The following STK17A variants were observed in gnomAD, a reference collection of about 807,000 sequenced individuals.
STK17A encodes serine/threonine-protein kinase 17A.
In STK17A, 26 loss-of-function variants were observed where a neutral mutation model predicts 43.7. That is an observed-to-expected ratio of 0.60 (90% CI 0.44 to 0.83). STK17A has a LOEUF of 0.83. Ranked by LOEUF, STK17A falls within the 40% of genes least tolerant of loss-of-function variation. The pLI is 0.00. For synonymous variants in STK17A, 191 were observed against 182.5 expected (o/e 1.05, Z -0.38); for missense variants, 476 against 511.6 (o/e 0.93, Z 0.67).
chr7:43,626,470 T>TTG lies in STK17A; in HGVS notation c.*1629_*1630insGT. 1 of 152,212 alleles carries TTG rather than the reference T, an allele frequency of 6.6e-6. No individual in the cohort carries two copies. Among genetic ancestry groups the TTG allele is most frequent in the East Asian group, 1.9e-4 (1 of 5,200 alleles). The allele number at this position is 152,212 out of a possible 1,614,324, so 9.4% of individuals were successfully genotyped here. A position where few individuals can be genotyped will look rare whatever the true frequency, so the allele number is the denominator to read the frequency against. ...TGTTTTCTCACTAAATTGGCTTTATTTATACAGTTTCCTGGAACCTAGCAT... is the reference window on the plus strand; with the variant it reads ...TGTTTTCTCACTAAATTGGCTTTATTTGTATACAGTTTCCTGGAACCTAGCAT... On this transcript the variant is annotated 3_prime_UTR_variant, in exon 7 of 7. Transcript: ENST00000319357.
chr7:43,605,798 T>A (rs1334184509), intron 2 of STK17A, among the ~76,000 whole-genome samples: 1 of 152,128 alleles, frequency 6.6e-6, no homozygotes, highest in Non-Finnish European at 1.5e-5. Flanking sequence ...TTGGTTCATA[T>A]GCTTTAATTT....
Position 43,608,397 on chromosome 7 carries a change from GA to G in STK17A, c.563del (p.Lys188SerfsTer7), listed in dbSNP as rs750678331. ...HTRDVVHLDL[K>X]PQNILLTSES... ...CTCGTGATGTAGTTCATCTTGATTT[GA>G]AGGTAAGATTCAAATTACAATTTTG... On this transcript the variant is annotated frameshift_variant and splice_region_variant, in exon 3 of 7. Coordinates refer to ENST00000319357, the MANE Select transcript of STK17A (RefSeq NM_004760.3). LOFTEE classifies it high-confidence loss of function. 6.3e-7 allele frequency: 1 copy of G among 1,598,918 alleles called. No individual in the cohort carries two copies. The highest frequency in any genetic ancestry group is 8.5e-7 in the Non-Finnish European group (1 of 1,174,876).
intron 1 of STK17A, 115 bp from the exon 2 acceptor site, chr7:43,595,786 A>T: frequency 1.2e-6 from 1 of 864,418 alleles, no homozygotes; most frequent in Non-Finnish European, 1.8e-6. Context: ...TACTTTTGTG[A>T]TTGTATATAA....
chr7:43,591,146 G>A (rs1171979601), intron 1 of STK17A, among the ~76,000 whole-genome samples: 2 of 151,532 alleles, frequency 1.3e-5, no homozygotes, highest in Non-Finnish European at 3.0e-5. Flanking sequence ...TCAGTGGTAT[G>A]TGGTATTAGA....
chr7:43,624,790 T>C lies in STK17A; in HGVS notation c.1193T>C (p.Phe398Ser). The part of the protein sequence containing the change: ...KMEQKAISKR[F>S]KFEEPLLQEI... The stretch of plus-strand genomic sequence containing the variant: ...GAGCAAAAGGCCATTTCCAAACGAT[T>C]TAAATTTGAGGAACCTTTGCTACAA... Residue 398 changes from phenylalanine to serine, a missense_variant, in exon 7 of 7, where the codon TTT (phenylalanine) becomes TCT (serine). By Grantham distance (155) the Phe-to-Ser change is radical. Transcript: ENST00000319357. The C allele has an allele frequency of 6.2e-7, 1 of 1,610,694 alleles. No individual in the cohort carries two copies. The highest frequency in any genetic ancestry group is 8.5e-7 in the Non-Finnish European group (1 of 1,178,142).
intron 1 of STK17A, among the ~76,000 whole-genome samples, chr7:43,592,152 A>G (rs2082484207): frequency 6.6e-6 from 1 of 151,682 alleles, no homozygotes; most frequent in Admixed American, 6.6e-5. Flanking sequence ...TATCAAATTA[A>G]TAACAATTGT....
intron 3 of STK17A, among the ~76,000 whole-genome samples, chr7:43,618,078 A>G (rs938156244): frequency 3.3e-5 from 5 of 152,216 alleles, no homozygotes; most frequent in African/African-American, 9.6e-5. Context: ...CAGAATATGA[A>G]TGGAAGGAAA....
intron 3 of STK17A, among the ~76,000 whole-genome samples, chr7:43,610,436 C>T (rs996490273): frequency 2.0e-5 from 3 of 149,718 alleles, no homozygotes; most frequent in Non-Finnish European, 4.4e-5. Context: ...GAGGCCGAGC[C>T]AGGCAGATCA....
intron 3 of STK17A, among the ~76,000 whole-genome samples, chr7:43,616,508 C>T (rs962417304): frequency 2.6e-5 from 4 of 152,098 alleles, no homozygotes; most frequent in East Asian, 3.9e-4. Flanking sequence ...AGATTCTTCC[C>T]GTTCTCTGAA....
chr7:43,610,374 CT>C, intron 3 of STK17A, among the ~76,000 whole-genome samples: 1 of 124,182 alleles, frequency 8.1e-6, no homozygotes, highest in East Asian at 2.5e-4. Flanking sequence ...AAAAAAAAGA[CT>C]TGCTATATGG....
At chr7:43,589,376 A>G (rs1192891257) in intron 1 of STK17A, among the ~76,000 whole-genome samples, 2 of 151,520 alleles carry the variant, frequency 1.3e-5, no homozygotes, top group Non-Finnish European at 3.0e-5. Context: ...AACCTAGAAT[A>G]AAACAGGACC....
At chr7:43,615,613 G>A (rs868732227) in intron 3 of STK17A, among the ~76,000 whole-genome samples, 1 of 152,102 alleles carries the variant, frequency 6.6e-6, no homozygotes, top group South Asian at 2.1e-4. Context: ...CAAAGAAAAC[G>A]TGGCCTGCCT....
chr7:43,596,456 TCTC>T (rs753076358), intron 2 of STK17A, among the ~76,000 whole-genome samples: 11 of 152,228 alleles, frequency 7.2e-5, no homozygotes, highest in Non-Finnish European at 1.6e-4. Flanking sequence ...TCTGAGTTAA[TCTC>T]CTTTCTTTTA....
rs753056472 is a variant in STK17A, at chr7:43,624,774, G to T, written c.1177G>T (p.Ala393Ser). ...QSEKEKMEQK[A>S]ISKRFKFEEP... ...TGAAAAAGAGAAAATGGAGCAAAAG[G>T]CCATTTCCAAACGATTTAAATTTGA... is the stretch of plus-strand genomic sequence containing the variant. Residue 393 changes from alanine (A) to serine (S), a missense_variant, in exon 7 of 7, where the codon GCC becomes TCC. Physicochemically the swap from Ala to Ser is moderately conservative, Grantham distance 99. Transcript: ENST00000319357. The T allele has an allele frequency of 2.5e-6, 4 of 1,612,620 alleles. No homozygotes were observed. The highest frequency in any genetic ancestry group is 1.6e-4 in the Middle Eastern group (1 of 6,076).
At chr7:43,601,734 A>T (rs749861498) in intron 2 of STK17A, among the ~76,000 whole-genome samples, 12 of 152,064 alleles carry the variant, frequency 7.9e-5, no homozygotes, top group Non-Finnish European at 1.8e-4. Flanking sequence ...TCATTTGCCC[A>T]TTTGAAACCC....
intron 3 of STK17A, among the ~76,000 whole-genome samples, chr7:43,616,734 A>G (rs1303373444): frequency 6.6e-6 from 1 of 152,078 alleles, no homozygotes; most frequent in Non-Finnish European, 1.5e-5. Context: ...CGTCTCTACT[A>G]AAAATACAAA....
chr7:43,625,005 T>G lies in STK17A; in HGVS notation c.*163T>G. On this transcript the variant is annotated 3_prime_UTR_variant, in exon 7 of 7. Transcript: ENST00000319357. ...TTGTGGAGTTAGGTGGAAGCCAGAT[T>G]TTAAAAGTTGCCAACCAGGAGATTT... 1 of 613,112 alleles carries G rather than the reference T, an allele frequency of 1.6e-6. No individual in the cohort carries two copies. The highest frequency in any genetic ancestry group is 2.6e-6 in the Non-Finnish European group (1 of 383,438). The allele number at this position is 613,112 out of a possible 1,614,324, so 38.0% of individuals were successfully genotyped here.
At chr7:43,604,452 A>G (rs908791278) in intron 2 of STK17A, among the ~76,000 whole-genome samples, 2 of 151,668 alleles carry the variant, frequency 1.3e-5, no homozygotes, top group African/African-American at 4.8e-5. Flanking sequence ...CCTGACTTCT[A>G]TTCTACCTCA....
chr7:43,609,484 C>G (rs2152974246), intron 3 of STK17A: 1 of 152,336 alleles, frequency 6.6e-6, no homozygotes, highest in East Asian at 1.9e-4. Context: ...ATTCTCAAAA[C>G]CAGTTGTGTT....
Sources: gnomAD v4.1 joint callset for allele counts (sites outside exome capture counted in the v4.1 genomes callset) on GRCh38, gnomAD v4.1.1 for gene constraint, MANE v1.5 for transcripts, NCBI Gene and HGNC (gene_info 2026-07-23, HGNC 2026-07-21) for gene names.